Variants in ALDH4A1 observed in about 807,000 individuals in gnomAD.
ALDH4A1 encodes the protein delta-1-pyrroline-5-carboxylate dehydrogenase, mitochondrial.
Under a neutral mutation model 70.5 loss-of-function variants are expected in ALDH4A1, and 46 were observed. That is an observed-to-expected ratio of 0.65 (90% CI 0.51 to 0.83). The LOEUF (loss-of-function observed/expected upper bound fraction) is 0.83, where lower values mean the gene tolerates loss of function less well. Ranked by LOEUF, ALDH4A1 falls within the 40% of genes least tolerant of loss-of-function variation. The probability of loss-of-function intolerance (pLI) is 0.00; values close to 1 mark genes in which losing one functional copy is unlikely to be tolerated. For synonymous variants in ALDH4A1, 323 were observed against 324.3 expected, an observed-to-expected ratio of 1.00 and a Z score of 0.04; for missense variants, 749 against 766.5, an observed-to-expected ratio of 0.98 and a Z score of 0.27.
intron 1 of ALDH4A1, among the ~76,000 whole-genome samples, chr1:18,894,862 T>C (rs1935560955): frequency 7.1e-6 from 1 of 141,480 alleles, no homozygotes; most frequent in Non-Finnish European, 1.5e-5. Flanking sequence ...TCTTTCTTTC[T>C]TTCTTTTTTT....
chr1:18,885,431 ACCCCACCCCG>A (rs1935154171), intron 5 of ALDH4A1, 32 bp downstream of exon 5: 21 of 478,936 alleles, frequency 4.4e-5, no homozygotes, highest in Non-Finnish European at 7.0e-5. Flanking sequence ...CCTGACTCCC[ACCCCACCCCG>A]CCCCACCCAC....
intron 1 of ALDH4A1, among the ~76,000 whole-genome samples, chr1:18,900,073 C>G (rs1195457830): frequency 6.6e-6 from 1 of 152,140 alleles, no homozygotes; most frequent in African/African-American, 2.4e-5. Context: ...GTGGGTACCT[C>G]TGTGTGGTAC....
At chr1:18,878,826 A>G (rs939633160) in intron 9 of ALDH4A1, among the ~76,000 whole-genome samples, 1 of 152,112 alleles carries the variant, frequency 6.6e-6, no homozygotes, top group Non-Finnish European at 1.5e-5. Context: ...ATATGCCAAC[A>G]AGGTCCAGCC....
rs190991471 is a variant in ALDH4A1, at chr1:18,877,389, C to T, written c.1137+27G>A. 1.5e-3 allele frequency: 2,264 copies of T among 1,554,790 alleles called. 39 individuals carry two copies. The highest frequency in any genetic ancestry group is 5.2e-3 in the South Asian group (441 of 85,020). Reference sequence around the variant, plus strand: ...CAATCCCATCAGCCCCCCGCTGGGCCGCGGCGGGGGTGACGGTGCCACTCA... The same window carrying T: ...CAATCCCATCAGCCCCCCGCTGGGCTGCGGCGGGGGTGACGGTGCCACTCA... On this transcript the variant is annotated intron_variant, in intron 10 of 14. Transcript: ENST00000375341.
At chr1:18,902,321 GC>G in intron 1 of ALDH4A1, 140 bp downstream of exon 1, 1 of 589,400 alleles carries the variant, frequency 1.7e-6, no homozygotes, top group Non-Finnish European at 2.6e-6. Flanking sequence ...TCGGAGGGGA[GC>G]CCCTGAGGAA....
At chr1:18,887,450 T>A (rs1029701178) in intron 3 of ALDH4A1, among the ~76,000 whole-genome samples, 1 of 152,126 alleles carries the variant, frequency 6.6e-6, no homozygotes, top group Non-Finnish European at 1.5e-5. Flanking sequence ...ATACAAAAAA[T>A]TAGCTGGGCG....
At position 18,897,245 on chromosome 1, in the gene ALDH4A1, T is replaced by C. The variant is rs1396046909; in HGVS notation, c.62+5217A>G. The C allele has an allele frequency of 1.8e-5, 7 of 385,894 alleles. No individual in the cohort carries two copies. In the Admixed American group the frequency reaches 1.8e-4, roughly 10 times the overall value. The allele number at this position is 385,894 out of a possible 1,614,324, so 23.9% of individuals were successfully genotyped here. A position where few individuals can be genotyped will look rare whatever the true frequency, so the allele number is the denominator to read the frequency against. Reference sequence around the variant, plus strand: ...TTCTCCAAAATCCAAGCAAGTCCAATATACAAAACACTTCCGGCCAGGCGC... The same window carrying C: ...TTCTCCAAAATCCAAGCAAGTCCAACATACAAAACACTTCCGGCCAGGCGC... On this transcript the variant is annotated intron_variant, in intron 1 of 14. Coordinates refer to ENST00000375341, the MANE Select transcript of ALDH4A1 (RefSeq NM_003748.4).
At position 18,877,397 on chromosome 1, in the gene ALDH4A1, G is replaced by A. The variant is rs753700338; in HGVS notation, c.1137+19C>T. Reference sequence around the variant, plus strand: ...TCAGCCCCCCGCTGGGCCGCGGCGGGGGTGACGGTGCCACTCACGTCGCCC... The same window carrying A: ...TCAGCCCCCCGCTGGGCCGCGGCGGAGGTGACGGTGCCACTCACGTCGCCC... On this transcript the variant is annotated intron_variant, in intron 10 of 14. Coordinates refer to ENST00000375341, the MANE Select transcript of ALDH4A1 (RefSeq NM_003748.4). The A allele has an allele frequency of 2.6e-6, 4 of 1,557,950 alleles. No homozygotes were observed. The highest frequency in any genetic ancestry group is 2.6e-6 in the Non-Finnish European group (3 of 1,150,108).
Position 18,872,863 on chromosome 1 carries a change from G to A in ALDH4A1, c.1674C>T (p.Ser558=). The A allele has an allele frequency of 2.5e-6, 4 of 1,613,922 alleles. No individual in the cohort carries two copies. The highest frequency in any genetic ancestry group is 1.7e-6 in the Non-Finnish European group (2 of 1,179,962). Residue 558 remains serine (S), a synonymous_variant, in exon 15 of 15, where the codon AGC becomes AGT. Transcript: ENST00000375341. The part of the protein sequence containing the change: ...KETHKPLGDW[S]YAYMQ ...GAGGGGCTCACTGCATGTACGCGTAGCTCCAGTCCCCCAGGGGCTTATGTG... is the reference window on the plus strand; with the variant it reads ...GAGGGGCTCACTGCATGTACGCGTAACTCCAGTCCCCCAGGGGCTTATGTG...
intron 7 of ALDH4A1, 121 bp downstream of exon 7, chr1:18,883,003 A>C (rs1935043532): frequency 7.4e-7 from 1 of 1,359,926 alleles, no homozygotes; most frequent in Admixed American, 1.8e-5. Context: ...AGCTGCCTCC[A>C]CCTTCTGTGC....
chr1:18,887,395 C>G (rs188179076), intron 3 of ALDH4A1, among the ~76,000 whole-genome samples: 10 of 152,316 alleles, frequency 6.6e-5, no homozygotes, highest in South Asian at 6.2e-4. Context: ...GTCAGGAGAT[C>G]GAGACCATCC....
chr1:18,895,012 A>G (rs2100606347), intron 1 of ALDH4A1, among the ~76,000 whole-genome samples: 1 of 152,214 alleles, frequency 6.6e-6, no homozygotes, highest in East Asian at 1.9e-4. Flanking sequence ...TTGGCAGGAC[A>G]GCATTCCTCA....
intron 11 of ALDH4A1, 122 bp downstream of exon 11, chr1:18,877,086 C>A: frequency 7.8e-7 from 1 of 1,275,438 alleles, no homozygotes. Context: ...TGCTGAGCTG[C>A]CTTGATCAAA....
rs1934484189 is a variant in ALDH4A1 at position 18,872,547 on chromosome 1, G to A, written c.*298C>T. The A allele has an allele frequency of 3.5e-6, 1 of 284,356 alleles. No individual in the cohort carries two copies. Among genetic ancestry groups the A allele is most frequent in the Admixed American group, 4.7e-5 (1 of 21,262 alleles). The allele number at this position is 284,356 out of a possible 1,614,324, so 17.6% of individuals were successfully genotyped here. A position where few individuals can be genotyped will look rare whatever the true frequency, so the allele number is the denominator to read the frequency against. On this transcript the variant is annotated 3_prime_UTR_variant, in exon 15 of 15. Transcript: ENST00000375341. ...GAGCTGCTCCATCTCCTTTCCCCAG[G>A]TCCCTGAGCCACTGGGCCCAGTGGA...
chr1:18,874,718 G>GA, intron 13 of ALDH4A1, 137 bp from the exon 14 acceptor site: 1 of 720,540 alleles, frequency 1.4e-6, no homozygotes, highest in Admixed American at 2.6e-5. Context: ...GAGGGATGCT[G>GA]CCAGCTGTTG....
intron 14 of ALDH4A1, 37 bp downstream of exon 14, chr1:18,874,426 G>C: frequency 6.3e-7 from 1 of 1,587,994 alleles, no homozygotes; most frequent in Non-Finnish European, 8.6e-7. Flanking sequence ...CTCCCACCAG[G>C]AACTCAGCTC....
intron 9 of ALDH4A1, among the ~76,000 whole-genome samples, chr1:18,877,930 CCCAAGG>C (rs1333484659): frequency 6.6e-6 from 1 of 152,170 alleles, no homozygotes. Context: ...CAGATGAGAA[CCCAAGG>C]CCCCCGAGAG....
At chr1:18,876,181 G>C in intron 12 of ALDH4A1, 134 bp downstream of exon 12, 2 of 1,221,062 alleles carry the variant, frequency 1.6e-6, no homozygotes, top group Admixed American at 2.0e-5. Context: ...CTCCCGGTCG[G>C]AGGCATTCCC....
At chr1:18,901,697 T>G (rs1405105768) in intron 1 of ALDH4A1, among the ~76,000 whole-genome samples, 3 of 151,246 alleles carry the variant, frequency 2.0e-5, no homozygotes, top group Non-Finnish European at 4.4e-5. Context: ...CTCACAGGAG[T>G]GAGAAGTTTA....
Sources: allele counts gnomAD v4.1 joint callset (sites outside exome capture counted in the v4.1 genomes callset), GRCh38; gene constraint gnomAD v4.1.1; transcripts MANE v1.5; gene names NCBI Gene and HGNC (gene_info 2026-07-23, HGNC 2026-07-21).